CDKL3: variants seen among roughly 807,000 people sequenced by gnomAD.
CDKL3 encodes the protein cyclin-dependent kinase-like 3.
A neutral mutation model predicts 69.3 loss-of-function variants in CDKL3; 65 were observed. The observed-to-expected ratio is 0.94, with a 90% CI of 0.77 to 1.15. The LOEUF (loss-of-function observed/expected upper bound fraction) is 1.15. CDKL3 is among the 50% of genes most tolerant of loss of function. The pLI is 0.00. For synonymous variants in CDKL3, 202 were observed against 221.6 expected (o/e 0.91, Z 0.79); for missense variants, 652 against 689.2 (o/e 0.95, Z 0.61).
At chr5:134,361,064 G>A (rs1299511424) in intron 2 of CDKL3, among the ~76,000 whole-genome samples, 2 of 152,040 alleles carry the variant, frequency 1.3e-5, no homozygotes, top group African/African-American at 4.8e-5. Context: ...AACAATTATT[G>A]CTAAAATAAT....
At chr5:134,357,710 T>A (rs940532904) in intron 3 of CDKL3, among the ~76,000 whole-genome samples, 2 of 152,150 alleles carry the variant, frequency 1.3e-5, no homozygotes, top group Non-Finnish European at 2.9e-5. Flanking sequence ...CCAAGTCCTG[T>A]GATTTTCCTT....
chr5:134,331,154 T>A (rs1343141256), intron 4 of CDKL3, among the ~76,000 whole-genome samples: 1 of 152,196 alleles, frequency 6.6e-6, no homozygotes, highest in African/African-American at 2.4e-5. Flanking sequence ...TGTTGGCTAC[T>A]GTTTCTACTA....
intron 12 of CDKL3, chr5:134,299,596 T>C (rs1234114247): frequency 2.2e-6 from 3 of 1,379,528 alleles, no homozygotes; most frequent in Non-Finnish European, 2.9e-6. Flanking sequence ...CCTGTAAAAT[T>C]ATCTAGTTAG....
At chr5:134,369,491 G>A (rs1758108043), upstream of CDKL3, among the ~76,000 whole-genome samples, 1 of 152,146 alleles carries the variant, frequency 6.6e-6, no homozygotes, top group African/African-American at 2.4e-5. Context: ...ACCAGAAAGG[G>A]TTAACTTTTC....
chr5:134,322,289 G>A (rs1561551507), intron 4 of CDKL3, among the ~76,000 whole-genome samples: 1 of 152,154 alleles, frequency 6.6e-6, no homozygotes, highest in African/African-American at 2.4e-5. Context: ...TGGGATTACA[G>A]GTGTGAGCCA....
In CDKL3 at chr5:134,304,510, T is replaced by A. The variant is rs753114551; in HGVS notation, c.1516A>T (p.Asn506Tyr). 1.9e-6 allele frequency: 3 copies of A among 1,612,788 alleles called. No homozygotes were observed. In the Admixed American group the frequency reaches 5.0e-5, roughly 27 times the overall value. The change falls in exon 11 of 13, where the codon AAT becomes TAT. Residue 506 changes from asparagine (N) to tyrosine (Y), a missense_variant. Coordinates refer to ENST00000265334, the MANE Select transcript of CDKL3 (RefSeq NM_001113575.2). ...AAATTCAGCTTCCTTTTGTTCTCAT[T>A]TGCCATTTGGTCACTGTGACCTGTT... The part of the protein sequence containing the change: ...ERTGHSDQMA[N>Y]ENKRKLNFSR...
chr5:134,301,399 A>C (rs1766280505), intron 12 of CDKL3, among the ~76,000 whole-genome samples: 1 of 152,222 alleles, frequency 6.6e-6, no homozygotes, highest in African/African-American at 2.4e-5. Context: ...TAAATGTCAC[A>C]GTGAGAATAC....
intron 4 of CDKL3, among the ~76,000 whole-genome samples, chr5:134,326,866 T>TATATATATATATATATATAC (rs1561563782): frequency 1.0e-5 from 1 of 98,262 alleles, no homozygotes; most frequent in Non-Finnish European, 1.8e-5. Context: ...TATATATATA[T>TATATATATATATATATATAC]ACACACACAC....
intron 3 of CDKL3, among the ~76,000 whole-genome samples, chr5:134,358,752 G>A (rs1755254381): frequency 6.6e-6 from 1 of 152,034 alleles, no homozygotes; most frequent in Non-Finnish European, 1.5e-5. Context: ...GTACAGGATT[G>A]TGCACGATGC....
In CDKL3 at chr5:134,317,158, C is replaced by T. The variant is rs775700757; in HGVS notation, c.792+2200G>A. On this transcript the variant is annotated intron_variant, in intron 6 of 12. Transcript: ENST00000265334. ...CTTTTATTTTTATTTATTTTTGAGA[C>T]GGAGTTTCACTCTGTCACCCAGGCT... 9.2e-5 allele frequency among the ~76,000 whole-genome samples: 14 copies of T among 152,002 alleles called. No homozygotes were observed. In the East Asian group the frequency reaches 1.2e-3, roughly 13 times the overall value.
At chr5:134,310,362 T>C (rs1769095507) in intron 7 of CDKL3, among the ~76,000 whole-genome samples, 1 of 151,910 alleles carries the variant, frequency 6.6e-6, no homozygotes, top group African/African-American at 2.4e-5. Context: ...ATTTTGTTTT[T>C]TGTATTTTTA....
chr5:134,336,688 T>C (rs1777189866), intron 4 of CDKL3, among the ~76,000 whole-genome samples: 1 of 152,182 alleles, frequency 6.6e-6, no homozygotes, highest in African/African-American at 2.4e-5. Flanking sequence ...TGCCTGATCC[T>C]TCCTCTGGAA....
intron 2 of CDKL3, among the ~76,000 whole-genome samples, chr5:134,363,454 C>T (rs1464150636): frequency 9.7e-5 from 14 of 143,998 alleles, no homozygotes; most frequent in African/African-American, 3.1e-4. Flanking sequence ...CCACCATGGC[C>T]GGCTTTTTTT....
chr5:134,358,680 C>T (rs1393888197), intron 3 of CDKL3, among the ~76,000 whole-genome samples: 1 of 152,104 alleles, frequency 6.6e-6, no homozygotes, highest in Non-Finnish European at 1.5e-5. Context: ...TCATAGCTTA[C>T]TGCAGCCTTG....
rs183023777 is a variant in CDKL3, at chr5:134,318,017, C to T, written c.792+1341G>A. Among the ~76,000 whole-genome samples the T allele has an allele frequency of 2.6e-5, 4 of 152,104 alleles. No individual in the cohort carries two copies. In the East Asian group the frequency reaches 7.7e-4, roughly 29 times the overall value. ...GGAGGATCACCTGAGGTCAGGACTT[C>T]GAGACCAGCCTGACCGACATGGAGA... On this transcript the variant is annotated intron_variant, in intron 6 of 12. Coordinates refer to ENST00000265334, the MANE Select transcript of CDKL3 (RefSeq NM_001113575.2).
At chr5:134,284,873 C>A (rs983810355), downstream of CDKL3, among the ~76,000 whole-genome samples, 3 of 152,166 alleles carry the variant, frequency 2.0e-5, no homozygotes, top group Admixed American at 1.3e-4. Flanking sequence ...TTATCCTATT[C>A]TTTTTTAGGA....
intron 4 of CDKL3, among the ~76,000 whole-genome samples, chr5:134,345,764 A>C (rs924529582): frequency 6.6e-6 from 1 of 152,116 alleles, no homozygotes; most frequent in African/African-American, 2.4e-5. Flanking sequence ...GGCCATTTTC[A>C]CTTCTTTTGT....
At chr5:134,344,208 A>G (rs1751244729) in intron 4 of CDKL3, among the ~76,000 whole-genome samples, 1 of 152,234 alleles carries the variant, frequency 6.6e-6, no homozygotes, top group Non-Finnish European at 1.5e-5. Context: ...AAGAAAATGT[A>G]ACTGTAAATC....
At chr5:134,284,738 G>A (rs1364201348), downstream of CDKL3, among the ~76,000 whole-genome samples, 2 of 152,086 alleles carry the variant, frequency 1.3e-5, no homozygotes, top group Non-Finnish European at 2.9e-5. Context: ...TTCCTTGCTG[G>A]GAAAAGAATT....
Sources: allele counts gnomAD v4.1 joint callset (sites outside exome capture counted in the v4.1 genomes callset), GRCh38; gene constraint gnomAD v4.1.1; transcripts MANE v1.5; gene names NCBI Gene and HGNC (gene_info 2026-07-23, HGNC 2026-07-21).